RAC3: variants seen among roughly 807,000 people sequenced by gnomAD.
RAC3 encodes Rac family small GTPase 3.
Under a neutral mutation model 19.0 loss-of-function variants are expected in RAC3, and 9 were observed. That is an observed-to-expected ratio of 0.47 (90% confidence interval 0.29 to 0.83). The LOEUF is 0.83. Among genes scored for constraint, RAC3 ranks in the 40% least tolerant of loss-of-function variants. RAC3 has a pLI of 0.09. For missense variants in RAC3, 203 were observed against 260.8 expected, an observed-to-expected ratio of 0.78 and a Z score of 1.53; for synonymous variants, 146 against 111.8, an observed-to-expected ratio of 1.31 and a Z score of -1.93.
At chr17:82,032,650 G>C (rs2043442306) in intron 2 of RAC3, 61 bp from the exon 3 acceptor site, 1 of 1,522,628 alleles carries the variant, frequency 6.6e-7, no homozygotes. Context: ...ACACAGGCCA[G>C]CAGGGCTGGG....
intron 1 of RAC3, 197 bp downstream of exon 1, chr17:82,031,993 C>G (rs912182397): frequency 1.1e-5 from 2 of 182,770 alleles, no homozygotes; most frequent in Non-Finnish European, 2.1e-5. Context: ...GCCTCCAGCT[C>G]GGGCCCACCT....
At chr17:82,032,366 C>T in intron 1 of RAC3, 21 bp from the exon 2 acceptor site, 1 of 1,611,040 alleles carries the variant, frequency 6.2e-7, no homozygotes, top group Non-Finnish European at 8.5e-7. Context: ...CCGGGAGCCA[C>T]GTGGCTTGCC....
chr17:82,032,109 C>A (rs2043436554), intron 1 of RAC3: 1 of 489,694 alleles, frequency 2.0e-6, no homozygotes, highest in Non-Finnish European at 3.6e-6. Context: ...AACCCTCAGC[C>A]GGCCCCACCC....
rs942824108 is a variant in RAC3, at chr17:82,033,914, A to C, written c.*85A>C. On this transcript the variant is annotated 3_prime_UTR_variant, in exon 6 of 6. Coordinates refer to ENST00000306897, the MANE Select transcript of RAC3 (RefSeq NM_005052.3). The surrounding 1 kb of genome is among the most constrained non-coding windows in gnomAD (Gnocchi z 6.2). ...TGTGTTGAGACGTGTGGTGTCCCTG[A>C]GTCGGCTGTGGGGAGCGGTGGGGGT... The C allele has an allele frequency of 8.3e-5, 115 of 1,391,160 alleles. No homozygotes were observed. The highest frequency in any genetic ancestry group is 1.1e-4 in the Admixed American group (5 of 46,206). 86.2% of individuals were successfully genotyped at this position (1,391,160 alleles called of 1,614,324 possible).
At chr17:82,032,202 C>G (rs545248662) in intron 1 of RAC3, 185 bp from the exon 2 acceptor site, 27 of 609,142 alleles carry the variant, frequency 4.4e-5, no homozygotes, top group Non-Finnish European at 6.3e-5. Context: ...ACCACCCCAG[C>G]CCCCGGAGCC....
rs1200800985 is a variant in RAC3, at chr17:82,033,104, G to A, written c.288+95G>A. Reference sequence around the variant, plus strand: ...TAGAGGCAATTGCGATACGGGTTCTGCCTGGGGTAGGCACACGGAGTGGGG... The same window carrying A: ...TAGAGGCAATTGCGATACGGGTTCTACCTGGGGTAGGCACACGGAGTGGGG... On this transcript the variant is annotated intron_variant, in intron 4 of 5. Coordinates refer to ENST00000306897, the MANE Select transcript of RAC3 (RefSeq NM_005052.3). This position sits in a 1 kb window ranked among gnomAD's most constrained non-coding sequence, Gnocchi z 6.2. 2.7e-5 allele frequency: 36 copies of A among 1,356,522 alleles called. No individual in the cohort carries two copies. Among genetic ancestry groups the A allele is most frequent in the Non-Finnish European group, 3.6e-5 (35 of 961,566 alleles). The allele number at this position is 1,356,522 out of a possible 1,614,324, so 84.0% of individuals were successfully genotyped here.
At position 82,033,983 on chromosome 17, in the gene RAC3, T is replaced by G. The variant is rs1364144526; in HGVS notation, c.*154T>G. The G allele has an allele frequency of 8.9e-6, 9 of 1,010,830 alleles. No homozygotes were observed. Among genetic ancestry groups the G allele is most frequent in the Non-Finnish European group, 1.1e-5 (8 of 712,572 alleles). The allele number at this position is 1,010,830 out of a possible 1,614,324, so 62.6% of individuals were successfully genotyped here. ...GGGATGAGGCTGGGTGGCAGGATCC[T>G]GTCCTCTCTGCCGCCTCATTCTGGG... On this transcript the variant is annotated 3_prime_UTR_variant, in exon 6 of 6. Transcript: ENST00000306897. The surrounding 1 kb of genome is among the most constrained non-coding windows in gnomAD (Gnocchi z 6.2).
Position 82,033,530 on chromosome 17 carries a change from G to A in RAC3, c.379G>A (p.Glu127Lys). Residue 127 changes from glutamate to lysine, a missense_variant, in exon 5 of 6, where the codon GAG becomes AAG. By Grantham distance (56) the Glu-to-Lys change is moderately conservative (BLOSUM62 1). Transcript: ENST00000306897. This position sits in a 1 kb window ranked among gnomAD's most constrained non-coding sequence, Gnocchi z 6.2. ...CCTCCGCGACGACAAGGACACCATT[G>A]AGCGGCTGCGGGACAAGAAGCTGGC... ...LDLRDDKDTI[E>K]RLRDKKLAPI... 2 of 1,612,902 alleles carry A rather than the reference G, an allele frequency of 1.2e-6. No homozygotes were observed. Among genetic ancestry groups the A allele is most frequent in the Non-Finnish European group, 1.7e-6 (2 of 1,179,812 alleles).
Position 82,032,930 on chromosome 17 carries a change from C to G in RAC3, c.226-17C>G. On this transcript the variant is annotated splice_polypyrimidine_tract_variant and intron_variant, in intron 3 of 5. Coordinates refer to ENST00000306897, the MANE Select transcript of RAC3 (RefSeq NM_005052.3). ...GGAGCCCCTGACCACTCCACCAGGT[C>G]CCACCTTTTTCCCAAGGACGTCTTT... 1 of 1,613,420 alleles carries G rather than the reference C, an allele frequency of 6.2e-7. No individual in the cohort carries two copies. The highest frequency in any genetic ancestry group is 8.5e-7 in the Non-Finnish European group (1 of 1,179,728).
intron 1 of RAC3, chr17:82,032,078 C>T (rs2043436308): frequency 2.8e-6 from 1 of 352,188 alleles, no homozygotes; most frequent in Non-Finnish European, 5.2e-6. Context: ...GTGGGTGGGG[C>T]CAGGCCTCTC....
chr17:82,032,582 G>T, intron 2 of RAC3, 124 bp downstream of exon 2: 1 of 1,442,240 alleles, frequency 6.9e-7, no homozygotes, highest in Non-Finnish European at 9.7e-7. Context: ...TGGGCTTCCC[G>T]GCTGGAGCTG....
chr17:82,031,909 C>T (rs1004756594), intron 1 of RAC3, 113 bp downstream of exon 1: 1 of 455,348 alleles, frequency 2.2e-6, no homozygotes, highest in Non-Finnish European at 2.9e-6. Flanking sequence ...GCGAGGCGGC[C>T]CCGCCGTACC....
chr17:82,032,298 C>T, intron 1 of RAC3, 89 bp from the exon 2 acceptor site: 1 of 1,336,826 alleles, frequency 7.5e-7, no homozygotes, highest in Non-Finnish European at 1.1e-6. Context: ...GCCCCTAACT[C>T]GCCTCTGGCT....
chr17:82,032,288 G>C, intron 1 of RAC3, 99 bp from the exon 2 acceptor site: 2 of 1,158,294 alleles, frequency 1.7e-6, no homozygotes, highest in Non-Finnish European at 2.5e-6. Context: ...GACCCCAGAC[G>C]CCCCTAACTC....
intron 1 of RAC3, chr17:82,032,117 C>T (rs2043436638): frequency 1.9e-6 from 1 of 517,916 alleles, no homozygotes; most frequent in Non-Finnish European, 3.4e-6. Context: ...GCCGGCCCCA[C>T]CCTCTCCTGC....
intron 3 of RAC3, 37 bp downstream of exon 3, chr17:82,032,865 G>A: frequency 6.2e-7 from 1 of 1,610,740 alleles, no homozygotes; most frequent in Non-Finnish European, 8.5e-7. Flanking sequence ...GAGCTGGGGG[G>A]GTCCCTGAGA....
chr17:82,034,127 G>C lies in RAC3; in HGVS notation c.*298G>C, dbSNP rs1030362759. On this transcript the variant is annotated 3_prime_UTR_variant, in exon 6 of 6. Transcript: ENST00000306897. ...ATGGGCTTCCCTGGAGGGGGAGGGT[G>C]GGGGGGAGTTCTGTTCCTTGTGCCC... 4.3e-6 allele frequency: 1 copy of C among 234,242 alleles called. No homozygotes were observed. The highest frequency in any genetic ancestry group is 2.3e-5 in the African/African-American group (1 of 43,894). The allele number at this position is 234,242 out of a possible 1,614,324, so 14.5% of individuals were successfully genotyped here.
At chr17:82,032,183 C>T (rs2043437226) in intron 1 of RAC3, 1 of 593,326 alleles carries the variant, frequency 1.7e-6, no homozygotes, top group Admixed American at 3.0e-5. Flanking sequence ...GCGCCCTGCG[C>T]CCTTATTCAC....
At chr17:82,032,174 CG>C in intron 1 of RAC3, 1 of 578,126 alleles carries the variant, frequency 1.7e-6, no homozygotes, top group Non-Finnish European at 3.1e-6. Flanking sequence ...CAGTGTGGGG[CG>C]CCCTGCGCCC....
Sources: allele counts gnomAD v4.1 joint callset, GRCh38; gene constraint gnomAD v4.1.1; non-coding constraint Gnocchi (gnomAD v3.1); transcripts MANE v1.5; gene names NCBI Gene and HGNC (gene_info 2026-07-23, HGNC 2026-07-21).